The following FAM13C variants were observed in gnomAD, a reference collection of about 807,000 sequenced individuals.
FAM13C encodes family with sequence similarity 13 member C, also known as protein FAM13C.
A neutral mutation model predicts 73.2 loss-of-function variants in FAM13C; 37 were observed. The ratio of observed to expected loss-of-function variants is 0.51; its 90% CI spans 0.39 to 0.67. The LOEUF is 0.67. Ranked by LOEUF, FAM13C falls within the 30% of genes least tolerant of loss-of-function variation. The pLI is 0.00. For synonymous variants in FAM13C, 246 were observed against 260.9 expected (o/e 0.94, Z 0.55); for missense variants, 589 against 715.6 (o/e 0.82, Z 2.02).
chr10:59,312,839 G>A (rs1017823381), intron 4 of FAM13C, among the ~76,000 whole-genome samples: 4 of 152,158 alleles, frequency 2.6e-5, no homozygotes, highest in Non-Finnish European at 5.9e-5. Context: ...ACTCAGTTAA[G>A]TTTGGCAAGC....
chr10:59,262,060 A>T (rs2133457799), intron 10 of FAM13C, among the ~76,000 whole-genome samples: 1 of 152,288 alleles, frequency 6.6e-6, no homozygotes, highest in East Asian at 1.9e-4. Context: ...TATTATTTTT[A>T]ATAAGACATA....
chr10:59,337,837 G>T (rs974522257), intron 3 of FAM13C, among the ~76,000 whole-genome samples: 3 of 151,668 alleles, frequency 2.0e-5, no homozygotes, highest in Non-Finnish European at 4.4e-5. Flanking sequence ...CTGCCACCAT[G>T]CCTGTCTAAT....
intron 3 of FAM13C, among the ~76,000 whole-genome samples, chr10:59,351,058 C>T (rs1025016991): frequency 2.0e-5 from 3 of 152,082 alleles, no homozygotes; most frequent in African/African-American, 2.4e-5. Flanking sequence ...ATCAGAAAGG[C>T]CAGGCGTGGT....
chr10:59,328,545 C>A (rs1205598383), intron 3 of FAM13C, among the ~76,000 whole-genome samples: 2 of 152,148 alleles, frequency 1.3e-5, no homozygotes, highest in African/African-American at 2.4e-5. Flanking sequence ...ATTCTAATCC[C>A]AGATCTTGCC....
intron 3 of FAM13C, among the ~76,000 whole-genome samples, chr10:59,346,814 A>G (rs576151805): frequency 7.9e-5 from 12 of 152,316 alleles, no homozygotes; most frequent in African/African-American, 2.9e-4. Context: ...TTCACAAACT[A>G]TTACAACATA....
At chr10:59,301,002 C>T (rs1847539176) in intron 5 of FAM13C, 1 of 152,088 alleles carries the variant, frequency 6.6e-6, no homozygotes, top group Non-Finnish European at 1.5e-5. Flanking sequence ...GACTCTGTCG[C>T]CTAAAGAAAT....
At chr10:59,253,039 C>T in intron 11 of FAM13C, 41 bp from the exon 12 acceptor site, 1 of 1,594,482 alleles carries the variant, frequency 6.3e-7, no homozygotes, top group Non-Finnish European at 8.6e-7. Context: ...TCATGTAATG[C>T]TCAGTGCCTC....
intron 3 of FAM13C, among the ~76,000 whole-genome samples, chr10:59,336,443 T>A (rs1852738311): frequency 6.6e-6 from 1 of 152,180 alleles, no homozygotes; most frequent in African/African-American, 2.4e-5. Flanking sequence ...ACCACCACTA[T>A]GACCACTGCT....
intron 5 of FAM13C, among the ~76,000 whole-genome samples, chr10:59,286,516 AATATATATAT>A (rs1159774665): frequency 9.0e-5 from 10 of 110,946 alleles, no homozygotes; most frequent in African/African-American, 2.7e-4. Flanking sequence ...CTCCATCTCA[AATATATATAT>A]ATATATATAT....
intron 6 of FAM13C, among the ~76,000 whole-genome samples, chr10:59,277,982 G>A (rs549171177): frequency 7.2e-5 from 11 of 152,282 alleles, no homozygotes; most frequent in South Asian, 4.1e-4. Context: ...TGGGCAATTC[G>A]TAAAAGAAAG....
rs368137668 is a variant in FAM13C, at chr10:59,282,986, A to G, written c.592+377T>C. ...ATGGAAACTTCCCCATCCTCAACAC[A>G]TCAAAAAGAAGAATTTCAAGACAGC... On this transcript the variant is annotated intron_variant, in intron 6 of 13. Transcript: ENST00000618804. 2.5e-4 allele frequency among the ~76,000 whole-genome samples: 38 copies of G among 152,302 alleles called. No individual in the cohort carries two copies. The East Asian group carries it at 4.1e-3, about 16-fold the overall frequency.
chr10:59,314,210 T>C (rs1439784364), intron 4 of FAM13C, among the ~76,000 whole-genome samples: 1 of 152,138 alleles, frequency 6.6e-6, no homozygotes, highest in Non-Finnish European at 1.5e-5. Flanking sequence ...TGGCAAGCCA[T>C]AGATCAATAC....
intron 8 of FAM13C, 86 bp downstream of exon 8, chr10:59,268,467 G>C (rs1012443169): frequency 3.2e-6 from 5 of 1,554,316 alleles, no homozygotes; most frequent in East Asian, 2.3e-5. Flanking sequence ...GGCAAAGAAG[G>C]GCACCCAGAA....
At chr10:59,249,757 T>C (rs916257490) in intron 13 of FAM13C, among the ~76,000 whole-genome samples, 5 of 152,236 alleles carry the variant, frequency 3.3e-5, no homozygotes, top group African/African-American at 1.2e-4. Context: ...AGATCATCAC[T>C]TGTGCATTTA....
chr10:59,333,317 T>C (rs1014604745), intron 3 of FAM13C, among the ~76,000 whole-genome samples: 1 of 151,974 alleles, frequency 6.6e-6, no homozygotes, highest in African/African-American at 2.4e-5. Flanking sequence ...TGAAACCCCG[T>C]CTCTACTAAA....
intron 5 of FAM13C, among the ~76,000 whole-genome samples, chr10:59,292,731 T>C (rs759993970): frequency 6.6e-6 from 1 of 152,244 alleles, no homozygotes; most frequent in Non-Finnish European, 1.5e-5. Context: ...TGACACATAA[T>C]AATTATACAT....
chr10:59,248,266 A>C (rs917264610), intron 13 of FAM13C, among the ~76,000 whole-genome samples: 1 of 152,204 alleles, frequency 6.6e-6, no homozygotes, highest in Non-Finnish European at 1.5e-5. Context: ...TATAATACCT[A>C]TCTCTGCTAA....
chr10:59,318,806 GT>G (rs1187692327), intron 4 of FAM13C, among the ~76,000 whole-genome samples: 1 of 151,946 alleles, frequency 6.6e-6, no homozygotes, highest in Non-Finnish European at 1.5e-5. Context: ...AAGGCAAGCT[GT>G]TTTTTATCTC....
At chr10:59,285,623 C>T (rs1564525275) in intron 5 of FAM13C, among the ~76,000 whole-genome samples, 2 of 152,212 alleles carry the variant, frequency 1.3e-5, no homozygotes, top group South Asian at 2.1e-4. Flanking sequence ...GAAGCAGGGA[C>T]TTGAACAGAT....
Sources: gnomAD v4.1 joint callset for allele counts (sites outside exome capture counted in the v4.1 genomes callset) on GRCh38, gnomAD v4.1.1 for gene constraint, MANE v1.5 for transcripts, NCBI Gene and HGNC (gene_info 2026-07-23, HGNC 2026-07-21) for gene names.